SEMA6D: variants seen among roughly 807,000 people sequenced by gnomAD.
SEMA6D encodes semaphorin-6D.
SEMA6D carries 35 observed loss-of-function variants against 106.6 expected under a neutral mutation model. The observed-to-expected ratio is 0.33, with a 90% CI of 0.25 to 0.44. SEMA6D has a LOEUF of 0.44. Ranked by LOEUF, SEMA6D falls within the 20% of genes least tolerant of loss-of-function variation. SEMA6D has a pLI of 1.00. For synonymous variants in SEMA6D, 499 were observed against 487.7 expected (o/e 1.02, Z -0.31); for missense variants, 1,185 against 1,345.9 (o/e 0.88, Z 1.87).
At chr15:47,299,490 G>T (rs985015414) in intron 1 of SEMA6D, among the ~76,000 whole-genome samples, 4 of 152,196 alleles carry the variant, frequency 2.6e-5, no homozygotes, top group Admixed American at 2.6e-4. Context: ...AAGTAAAGCT[G>T]ATCTGCTCGG....
At chr15:47,348,998 T>A (rs2038201331) in intron 1 of SEMA6D, among the ~76,000 whole-genome samples, 1 of 152,030 alleles carries the variant, frequency 6.6e-6, no homozygotes, top group African/African-American at 2.4e-5. Context: ...GTTGATCTGC[T>A]CTTCAAGGAT....
intron 3 of SEMA6D, among the ~76,000 whole-genome samples, chr15:47,472,370 A>C (rs1338286502): frequency 6.6e-6 from 1 of 152,184 alleles, no homozygotes; most frequent in African/African-American, 2.4e-5. Flanking sequence ...ATTAGAACCA[A>C]GTCCACATGC....
chr15:47,390,152 G>T (rs1595888032), intron 1 of SEMA6D, among the ~76,000 whole-genome samples: 1 of 152,114 alleles, frequency 6.6e-6, no homozygotes, highest in South Asian at 2.1e-4. Flanking sequence ...GATCTCAGTG[G>T]GGCTTAGCTG....
intron 3 of SEMA6D, among the ~76,000 whole-genome samples, chr15:47,548,325 G>T (rs1336310342): frequency 3.3e-5 from 5 of 152,100 alleles, no homozygotes; most frequent in African/African-American, 9.7e-5. Context: ...GGGGACTGCT[G>T]GTTGTTACAT....
At chr15:47,577,181 A>G (rs1259652370) in intron 3 of SEMA6D, among the ~76,000 whole-genome samples, 2 of 152,232 alleles carry the variant, frequency 1.3e-5, no homozygotes, top group African/African-American at 4.8e-5. Flanking sequence ...GGCTCATGAA[A>G]TATGATATTT....
At chr15:47,335,509 G>A (rs2037517052) in intron 1 of SEMA6D, among the ~76,000 whole-genome samples, 1 of 152,064 alleles carries the variant, frequency 6.6e-6, no homozygotes, top group South Asian at 2.1e-4. Context: ...TGCTTCCTAT[G>A]CAAGCCATGT....
At chr15:47,758,370 A>C (rs2081882160) in intron 1 of SEMA6D, among the ~76,000 whole-genome samples, 1 of 152,128 alleles carries the variant, frequency 6.6e-6, no homozygotes, top group Non-Finnish European at 1.5e-5. Flanking sequence ...TAAAGTTCTT[A>C]GATATGTAAG....
intron 1 of SEMA6D, among the ~76,000 whole-genome samples, chr15:47,279,339 G>T (rs1040691766): frequency 8.2e-6 from 1 of 121,370 alleles, no homozygotes; most frequent in Admixed American, 8.4e-5. Context: ...TCTGTTATTG[G>T]TGTATGAGAA....
chr15:47,430,303 C>T (rs1489126519), intron 2 of SEMA6D, among the ~76,000 whole-genome samples: 1 of 151,990 alleles, frequency 6.6e-6, no homozygotes, highest in Non-Finnish European at 1.5e-5. Flanking sequence ...GGGAAACACT[C>T]CTGTTTTTCC....
chr15:47,710,410 A>G (rs1317411989), intron 4 of SEMA6D, among the ~76,000 whole-genome samples: 1 of 152,228 alleles, frequency 6.6e-6, no homozygotes, highest in Non-Finnish European at 1.5e-5. Context: ...AAATAATTGC[A>G]TAACTGGAAT....
intron 13 of SEMA6D, 50 bp from the exon 14 acceptor site, chr15:47,765,819 C>A: frequency 1.4e-6 from 2 of 1,427,770 alleles, no homozygotes; most frequent in Admixed American, 2.6e-5. Flanking sequence ...TAAAGCAAAC[C>A]ACACTTGACT....
chr15:47,725,899 T>C (rs1277079468), intron 1 of SEMA6D, among the ~76,000 whole-genome samples: 1 of 152,232 alleles, frequency 6.6e-6, no homozygotes, highest in Non-Finnish European at 1.5e-5. Context: ...CAGATAGTCT[T>C]AGAGACGAAT....
At chr15:47,472,955 T>C (rs112830097) in intron 3 of SEMA6D, among the ~76,000 whole-genome samples, 2,369 of 152,300 alleles carry the variant, frequency 0.016, 45 homozygotes, top group African/African-American at 0.036. Context: ...AGAAAGACAG[T>C]GCCAATGTTT....
intron 2 of SEMA6D, among the ~76,000 whole-genome samples, chr15:47,433,048 C>T (rs1001696618): frequency 6.6e-6 from 1 of 151,990 alleles, no homozygotes; most frequent in Non-Finnish European, 1.5e-5. Context: ...TTTCCTGAGG[C>T]TTTGTGGCAG....
intron 1 of SEMA6D, among the ~76,000 whole-genome samples, chr15:47,354,903 C>G (rs995994539): frequency 6.6e-6 from 1 of 152,126 alleles, no homozygotes; most frequent in Non-Finnish European, 1.5e-5. Flanking sequence ...CCCTACGGGA[C>G]AAAATCACTC....
intron 3 of SEMA6D, among the ~76,000 whole-genome samples, chr15:47,503,144 A>G (rs1338554984): frequency 6.6e-6 from 1 of 152,198 alleles, no homozygotes; most frequent in African/African-American, 2.4e-5. Flanking sequence ...TAGATGTCCT[A>G]GGGAAACTTG....
At chr15:47,591,685 G>A (rs1253194168) in intron 3 of SEMA6D, among the ~76,000 whole-genome samples, 1 of 152,168 alleles carries the variant, frequency 6.6e-6, no homozygotes, top group Non-Finnish European at 1.5e-5. Context: ...AAAAACACCT[G>A]TTTCATTGTA....
At chr15:47,643,240 A>T (rs990769051) in intron 4 of SEMA6D, among the ~76,000 whole-genome samples, 2 of 152,240 alleles carry the variant, frequency 1.3e-5, no homozygotes, top group African/African-American at 4.8e-5. Context: ...AAGACTAATT[A>T]CTGTGAATGA....
intron 1 of SEMA6D, among the ~76,000 whole-genome samples, chr15:47,356,568 CG>C (rs1476833232): frequency 6.3e-5 from 5 of 79,542 alleles, no homozygotes; most frequent in Non-Finnish European, 6.4e-5. Context: ...GAAGAGAGAG[CG>C]AAAAAAAAAA....
Sources: allele counts gnomAD v4.1 joint callset (sites outside exome capture counted in the v4.1 genomes callset), GRCh38; gene constraint gnomAD v4.1.1; transcripts MANE v1.5; gene names NCBI Gene and HGNC (gene_info 2026-07-23, HGNC 2026-07-21).